Variants in AQP4 observed in about 807,000 individuals in gnomAD.
The protein encoded by AQP4 is aquaporin-4.
Under a neutral mutation model 27.8 loss-of-function variants are expected in AQP4, and 18 were observed. That is an observed-to-expected ratio of 0.65 (90% CI 0.45 to 0.96). The LOEUF is 0.96. Ranked by LOEUF, AQP4 falls within the 40% of genes least tolerant of loss-of-function variation. AQP4 has a pLI of 0.00. For synonymous variants in AQP4, 141 were observed against 142.9 expected (o/e 0.99, Z 0.10); for missense variants, 412 against 408.2 (o/e 1.01, Z -0.08).
At chr18:26,862,887 A>G (rs2054980695) in intron 1 of AQP4, 1 of 476,940 alleles carries the variant, frequency 2.1e-6, no homozygotes, top group Non-Finnish European at 3.8e-6. Flanking sequence ...TATTAAGAAT[A>G]AAATATATTT....
At chr18:26,860,396 G>T (rs2054919968) in intron 4 of AQP4, among the ~76,000 whole-genome samples, 1 of 152,064 alleles carries the variant, frequency 6.6e-6, no homozygotes, top group Non-Finnish European at 1.5e-5. Flanking sequence ...TAGCTGGGAA[G>T]ACTTTACTTT....
chr18:26,856,610 G>C, intron 4 of AQP4, 121 bp from the exon 5 acceptor site: 1 of 1,155,586 alleles, frequency 8.7e-7, no homozygotes, highest in Non-Finnish European at 1.3e-6. Flanking sequence ...GCATCAAAAA[G>C]AGGGGAATTG....
rs774844359 is a variant in AQP4 at position 26,861,306 on chromosome 18, A to G, written c.448-11T>C. 4 of 1,612,394 alleles carry G rather than the reference A, an allele frequency of 2.5e-6. No homozygotes were observed. The highest frequency in any genetic ancestry group is 4.5e-5 in the East Asian group (2 of 44,856). Reference sequence around the variant, plus strand: ...AAGATTTCCATGAACCTAGAGAAAGAAAAATATTCCATCAGAATTGAAGCA... The same window carrying G: ...AAGATTTCCATGAACCTAGAGAAAGGAAAATATTCCATCAGAATTGAAGCA... On this transcript the variant is annotated splice_polypyrimidine_tract_variant and intron_variant, in intron 2 of 4. Coordinates refer to ENST00000383168, the MANE Select transcript of AQP4 (RefSeq NM_001650.7).
chr18:26,864,616 C>T (rs904581825), intron 1 of AQP4, among the ~76,000 whole-genome samples: 1 of 152,150 alleles, frequency 6.6e-6, no homozygotes, highest in African/African-American at 2.4e-5. Flanking sequence ...TCAGAAAAGT[C>T]ACATATTGAA....
chr18:26,856,437 T>C lies in AQP4; in HGVS notation c.746A>G (p.Glu249Gly), dbSNP rs2054845542. ...TTCAACATCTGGACAGAAGACATAC[T>C]CATAAAGGCCACCAGCGAGGACAGC... ...IGAVLAGGLY[E>G]YVFCPDVEFK... is the part of the protein sequence containing the mutation. Residue 249 changes from glutamate (E) to glycine (G), a missense_variant, in exon 5 of 5, where the codon GAG (glutamate) becomes GGG (glycine). Transcript: ENST00000383168. 1 of 1,614,202 alleles carries C rather than the reference T, an allele frequency of 6.2e-7. No individual in the cohort carries two copies. The highest frequency in any genetic ancestry group is 1.3e-5 in the African/African-American group (1 of 75,062).
rs200498749 is a variant in AQP4 at position 26,856,228 on chromosome 18, C to T, written c.955G>A (p.Val319Ile). The change falls in exon 5 of 5, where the codon GTA (valine) becomes ATA (isoleucine). Residue 319 changes from valine to isoleucine, a missense_variant. Physicochemically the swap from Val to Ile is conservative, Grantham distance 29. Transcript: ENST00000383168. The stretch of plus-strand genomic sequence containing the variant: ...TCTTCTAGTCATACTGAAGACAATA[C>T]CTCTCCAGATTGGTCTTTCCCCTTC... ...EKKGKDQSGE[V>I]LSSV is the part of the protein sequence containing the mutation. The T allele has an allele frequency of 4.0e-4, 649 of 1,614,102 alleles. No individual in the cohort carries two copies. The highest frequency in any genetic ancestry group is 3.6e-4 in the Non-Finnish European group (420 of 1,180,024).
intron 4 of AQP4, among the ~76,000 whole-genome samples, chr18:26,858,122 A>T (rs902106095): frequency 2.0e-5 from 3 of 152,056 alleles, no homozygotes; most frequent in African/African-American, 7.2e-5. Flanking sequence ...ACAAAAAAAA[A>T]TTAGCTGGGC....
At chr18:26,862,715 G>A (rs1463073958) in intron 1 of AQP4, 119 bp from the exon 2 acceptor site, 1 of 1,326,684 alleles carries the variant, frequency 7.5e-7, no homozygotes, top group Non-Finnish European at 1.1e-6. Context: ...GGCGTGATTT[G>A]CACACCAAGA....
At chr18:26,858,567 G>A (rs1273105998) in intron 4 of AQP4, among the ~76,000 whole-genome samples, 3 of 152,192 alleles carry the variant, frequency 2.0e-5, no homozygotes, top group South Asian at 4.1e-4. Flanking sequence ...AAACCCATAT[G>A]AGCCTTTATC....
Position 26,854,730 on chromosome 18 carries a change from C to T in AQP4, c.*1481G>A, listed in dbSNP as rs1255759749. 1 of 152,606 alleles carries T rather than the reference C, an allele frequency of 6.6e-6. No individual in the cohort carries two copies. Among genetic ancestry groups the T allele is most frequent in the Non-Finnish European group, 1.5e-5 (1 of 68,040 alleles). 9.5% of individuals were successfully genotyped at this position (152,606 alleles called of 1,614,324 possible). A position where few individuals can be genotyped will look rare whatever the true frequency, so the allele number is the denominator to read the frequency against. ...ATCATCAGTTATTTACAAGTCACTC[C>T]TTGCAGTGATAGGTTTCTGCTTTAC... On this transcript the variant is annotated 3_prime_UTR_variant, in exon 5 of 5. Transcript: ENST00000383168.
intron 2 of AQP4, chr18:26,861,958 A>G (rs1807955400): frequency 3.3e-6 from 2 of 598,396 alleles, no homozygotes; most frequent in African/African-American, 1.9e-5. Flanking sequence ...TTTTCGGGCC[A>G]CCTAGATTTT....
At chr18:26,858,122 A>G (rs902106095) in intron 4 of AQP4, among the ~76,000 whole-genome samples, 1 of 152,056 alleles carries the variant, frequency 6.6e-6, no homozygotes, top group Non-Finnish European at 1.5e-5. Context: ...ACAAAAAAAA[A>G]TTAGCTGGGC....
chr18:26,858,612 C>T (rs943792893), intron 4 of AQP4, among the ~76,000 whole-genome samples: 7 of 152,158 alleles, frequency 4.6e-5, no homozygotes, highest in Non-Finnish European at 8.8e-5. Context: ...AATGAGAGCC[C>T]TCCTCTAAAT....
chr18:26,859,770 T>C (rs1039679539), intron 4 of AQP4, among the ~76,000 whole-genome samples: 30 of 152,240 alleles, frequency 2.0e-4, no homozygotes, highest in Non-Finnish European at 4.1e-4. Flanking sequence ...TTTCTTGTCA[T>C]TTGCAGTGTA....
intron 4 of AQP4, among the ~76,000 whole-genome samples, chr18:26,860,190 G>A (rs867276012): frequency 9.9e-5 from 15 of 152,096 alleles, no homozygotes; most frequent in South Asian, 8.3e-4. Context: ...TTATTTTTCC[G>A]GTAACAGTTA....
chr18:26,865,355 G>A (rs554713891), intron 1 of AQP4: 12 of 499,366 alleles, frequency 2.4e-5, no homozygotes, highest in Admixed American at 1.6e-4. Flanking sequence ...ACAGCTGAGC[G>A]TCTGGGTGAG....
intron 4 of AQP4, among the ~76,000 whole-genome samples, chr18:26,856,739 T>C (rs916927209): frequency 6.6e-6 from 1 of 152,238 alleles, no homozygotes; most frequent in Admixed American, 6.5e-5. Context: ...TTAATTATGT[T>C]CTTTCCATCT....
chr18:26,856,389 G>C lies in AQP4; in HGVS notation c.794C>G (p.Ala265Gly), dbSNP rs200121613. The change falls in exon 5 of 5, where the codon GCC becomes GGC. Residue 265 changes from alanine to glycine, a missense_variant. By Grantham distance (60) the Ala-to-Gly change is moderately conservative. Transcript: ENST00000383168. ...DVEFKRRFKE[A>G]FSKAAQQTKG... ...TGTTTGCTGGGCAGCTTTGCTGAAG[G>C]CTTCTTTAAAACGACGTTTGAATTC... 3.1e-6 allele frequency: 5 copies of C among 1,614,086 alleles called. No homozygotes were observed. The highest frequency in any genetic ancestry group is 4.2e-6 in the Non-Finnish European group (5 of 1,180,044).
At position 26,855,925 on chromosome 18, in the gene AQP4, C is replaced by A; in HGVS notation, c.*286G>T. 5.1e-6 allele frequency: 2 copies of A among 392,266 alleles called. No individual in the cohort carries two copies. The highest frequency in any genetic ancestry group is 9.5e-6 in the Non-Finnish European group (2 of 211,328). 24.3% of individuals were successfully genotyped at this position (392,266 alleles called of 1,614,324 possible). A position where few individuals can be genotyped will look rare whatever the true frequency, so the allele number is the denominator to read the frequency against. Reference sequence around the variant, plus strand: ...GGCAAGACTTAACCAAATCTTGACACACGGTTAAAATTGGTTGTTAATGAA... The same window carrying A: ...GGCAAGACTTAACCAAATCTTGACAAACGGTTAAAATTGGTTGTTAATGAA... On this transcript the variant is annotated 3_prime_UTR_variant, in exon 5 of 5. Coordinates refer to ENST00000383168, the MANE Select transcript of AQP4 (RefSeq NM_001650.7).
Sources: allele counts gnomAD v4.1 joint callset (sites outside exome capture counted in the v4.1 genomes callset), GRCh38; gene constraint gnomAD v4.1.1; transcripts MANE v1.5; gene names NCBI Gene and HGNC (gene_info 2026-07-23, HGNC 2026-07-21).